Variants in LGALS3 observed in about 807,000 individuals in gnomAD.
The protein encoded by LGALS3 is galectin 3.
Under a neutral mutation model 20.7 loss-of-function variants are expected in LGALS3, and 18 were observed. The ratio of observed to expected loss-of-function variants is 0.87; its 90% CI spans 0.60 to 1.29. LGALS3 has a LOEUF of 1.29. LGALS3 is among the 50% of genes most tolerant of loss of function. LGALS3 has a pLI of 0.00. For synonymous variants in LGALS3, 112 were observed against 119.6 expected (o/e 0.94, Z 0.42); for missense variants, 315 against 314.7 (o/e 1.00, Z -0.01).
Position 55,140,369 on chromosome 14 carries a change from G to GCAAACCTGGT in LGALS3, c.431+6_431+7insCAAACCTGGT, listed in dbSNP as rs772229500. On this transcript the variant is annotated splice_region_variant and intron_variant, in intron 4 of 5. Transcript: ENST00000254301. The stretch of plus-strand genomic sequence containing the variant: ...GTGAAGCCCAATGCAAACAGGTAAG[G>GCAAACCTGGT]AGAGCAAAATTAACAAGTCTACTCT... The GCAAACCTGGT allele has an allele frequency of 6.3e-7, 1 of 1,595,266 alleles. No individual in the cohort carries two copies. The highest frequency in any genetic ancestry group is 1.1e-5 in the South Asian group (1 of 89,774).
intron 2 of LGALS3, 171 bp downstream of exon 2, chr14:55,137,562 A>G (rs536873896): frequency 6.5e-7 from 1 of 1,537,974 alleles, no homozygotes; most frequent in South Asian, 1.3e-5. Context: ...CCAGCAGCAG[A>G]TTTGGGAAGA....
chr14:55,130,678 G>A (rs1316607100), intron 1 of LGALS3, among the ~76,000 whole-genome samples: 1 of 141,220 alleles, frequency 7.1e-6, no homozygotes, highest in Admixed American at 7.2e-5. Context: ...TCCTGCCTCA[G>A]CCTCCCGAGT....
intron 1 of LGALS3, among the ~76,000 whole-genome samples, chr14:55,133,651 G>T (rs893456950): frequency 3.9e-5 from 6 of 152,136 alleles, no homozygotes; most frequent in Non-Finnish European, 7.4e-5. Flanking sequence ...TGTTCTAGTG[G>T]CCTTGTCTAA....
chr14:55,137,779 C>T (rs2140292750), intron 2 of LGALS3: 1 of 1,302,940 alleles, frequency 7.7e-7, no homozygotes. Flanking sequence ...AGCGCTAACT[C>T]CTGACTTGAG....
intron 5 of LGALS3, chr14:55,143,388 G>A (rs144162477): frequency 7.0e-4 from 241 of 346,336 alleles, no homozygotes; most frequent in Middle Eastern, 3.0e-3. Flanking sequence ...ACATTTGGTG[G>A]ATATCTTTTC....
chr14:55,142,708 A>G lies in LGALS3; in HGVS notation c.556A>G (p.Arg186Gly). ...KLDNNWGREE[R>G]QSVFPFESGK... The stretch of plus-strand genomic sequence containing the variant: ...GGATAATAACTGGGGAAGGGAAGAA[A>G]GACAGTCGGTTTTCCCATTTGAAAG... Residue 186 changes from arginine to glycine, a missense_variant, in exon 5 of 6, where the codon AGA becomes GGA. By Grantham distance (125) the Arg-to-Gly change is moderately radical. Transcript: ENST00000254301. 6.2e-7 allele frequency: 1 copy of G among 1,613,934 alleles called. No homozygotes were observed. The highest frequency in any genetic ancestry group is 8.5e-7 in the Non-Finnish European group (1 of 1,179,802).
At chr14:55,143,366 G>A (rs1881697149) in intron 5 of LGALS3, 1 of 316,520 alleles carries the variant, frequency 3.2e-6, no homozygotes, top group South Asian at 2.3e-5. Flanking sequence ...GGACAAATAA[G>A]GACCACAGTC....
At chr14:55,143,961 A>G (rs1290528601) in intron 5 of LGALS3, among the ~76,000 whole-genome samples, 1 of 152,154 alleles carries the variant, frequency 6.6e-6, no homozygotes, top group Non-Finnish European at 1.5e-5. Flanking sequence ...TTAAATATAC[A>G]TGTTTACAAT....
chr14:55,135,967 A>G (rs1225805542), intron 1 of LGALS3, among the ~76,000 whole-genome samples: 1 of 152,208 alleles, frequency 6.6e-6, no homozygotes, highest in Non-Finnish European at 1.5e-5. Context: ...GGCAAATCAA[A>G]GAGAAGGATA....
At chr14:55,141,118 C>G (rs1881607969) in intron 4 of LGALS3, among the ~76,000 whole-genome samples, 1 of 152,162 alleles carries the variant, frequency 6.6e-6, no homozygotes, top group Non-Finnish European at 1.5e-5. Flanking sequence ...TGTCTGTCAC[C>G]TTGCTCCACA....
rs1566779226 is a variant in LGALS3, at chr14:55,129,858, C to T, written c.-5+558C>T. ...TGCATAGGGCGCCTCCCGGGACCCA[C>T]AGCTTGGCTGGCCCGGCCCCTTTTG... On this transcript the variant is annotated intron_variant, in intron 1 of 5. Transcript: ENST00000254301. The surrounding 1 kb of genome is among the most constrained non-coding windows in gnomAD (Gnocchi z 5.3). 6.6e-6 allele frequency among the ~76,000 whole-genome samples: 1 copy of T among 152,228 alleles called. No homozygotes were observed. The highest frequency in any genetic ancestry group is 1.5e-5 in the Non-Finnish European group (1 of 68,044).
chr14:55,138,660 T>C (rs962559035), intron 3 of LGALS3, among the ~76,000 whole-genome samples: 3 of 152,218 alleles, frequency 2.0e-5, no homozygotes, highest in Admixed American at 2.0e-4. Flanking sequence ...GTCAATAGTA[T>C]GCATCTACAT....
At position 55,138,050 on chromosome 14, in the gene LGALS3, T is replaced by C. The variant is rs188973411; in HGVS notation, c.24T>C (p.His8=). 1,949 of 1,499,488 alleles carry C rather than the reference T, an allele frequency of 1.3e-3. 4 individuals are homozygous for C. The highest frequency in any genetic ancestry group is 1.6e-3 in the South Asian group (111 of 69,514). The allele number at this position is 1,499,488 out of a possible 1,614,324, so 92.9% of individuals were successfully genotyped here. ...GTGTATGTCTTTCTTTCCAGCTCCA[T>C]GATGCGTTATCTGGGTCTGGAAACC... MADNFSL[H]DALSGSGNPN... The change falls in exon 3 of 6, where the codon CAT becomes CAC. Residue 8 remains histidine (H), a synonymous_variant. Transcript: ENST00000254301.
chr14:55,131,754 C>A (rs1375512147), intron 1 of LGALS3, among the ~76,000 whole-genome samples: 2 of 152,096 alleles, frequency 1.3e-5, no homozygotes, highest in Non-Finnish European at 2.9e-5. Flanking sequence ...TCAGCTTTTC[C>A]GTAGGGGGGA....
rs1594647398 is a variant in LGALS3 at position 55,129,357 on chromosome 14, C to G, written c.-5+57C>G. The G allele has an allele frequency of 1.3e-5, 2 of 151,968 alleles. No individual in the cohort carries two copies. The highest frequency in any genetic ancestry group is 2.4e-5 in the African/African-American group (1 of 41,480). 9.4% of individuals were successfully genotyped at this position (151,968 alleles called of 1,614,324 possible). On this transcript the variant is annotated intron_variant, in intron 1 of 5. Coordinates refer to ENST00000254301, the MANE Select transcript of LGALS3 (RefSeq NM_002306.4). This position sits in a 1 kb window ranked among gnomAD's most constrained non-coding sequence, Gnocchi z 5.3. Reference sequence around the variant, plus strand: ...CCGGCCGGGCAGGGGAGAGGGCGCCCGGGCGCTGCTTGGGGCGCGGTCCGG... The same window carrying G: ...CCGGCCGGGCAGGGGAGAGGGCGCCGGGGCGCTGCTTGGGGCGCGGTCCGG...
chr14:55,138,424 C>A, intron 3 of LGALS3, 56 bp downstream of exon 3: 9 of 1,584,572 alleles, frequency 5.7e-6, no homozygotes, highest in Non-Finnish European at 7.8e-6. Flanking sequence ...TCAGGGAGAC[C>A]CTGAGCTTTA....
rs373566132 is a variant in LGALS3 at position 55,143,376 on chromosome 14, C to A, written c.597+627C>A. 4.7e-4 allele frequency: 155 copies of A among 332,294 alleles called. 1 individual carries two copies. The highest frequency in any genetic ancestry group is 3.5e-3 in the South Asian group (154 of 44,628). 20.6% of individuals were successfully genotyped at this position (332,294 alleles called of 1,614,324 possible). Reference sequence around the variant, plus strand: ...AACAGGGACAAATAAGGACCACAGTCTACATTTGGTGGATATCTTTTCGTA... The same window carrying A: ...AACAGGGACAAATAAGGACCACAGTATACATTTGGTGGATATCTTTTCGTA... On this transcript the variant is annotated intron_variant, in intron 5 of 5. Coordinates refer to ENST00000254301, the MANE Select transcript of LGALS3 (RefSeq NM_002306.4).
Position 55,138,105 on chromosome 14 carries a change from G to A in LGALS3, c.79G>A (p.Gly27Arg). The A allele has an allele frequency of 6.5e-7, 1 of 1,537,500 alleles. No homozygotes were observed. The highest frequency in any genetic ancestry group is 1.4e-5 in the African/African-American group (1 of 72,082). ...PNPQGWPGAW[G>R]NQPAGAGGYP... is the part of the protein sequence containing the mutation. ...CCCTCAAGGATGGCCTGGCGCATGG[G>A]GGAACCAGCCTGCTGGGGCAGGGGG... The change falls in exon 3 of 6, where the codon GGG becomes AGG. Residue 27 changes from glycine to arginine, a missense_variant. Coordinates refer to ENST00000254301, the MANE Select transcript of LGALS3 (RefSeq NM_002306.4).
Position 55,129,672 on chromosome 14 carries a change from G to A in LGALS3, c.-5+372G>A, listed in dbSNP as rs895384725. The stretch of plus-strand genomic sequence containing the variant: ...AGTAAGCCCCATCCGGTGACGAGCC[G>A]CAGTCTGGTCACCCCAGTCCCACCA... On this transcript the variant is annotated intron_variant, in intron 1 of 5. Transcript: ENST00000254301. The surrounding 1 kb of genome is among the most constrained non-coding windows in gnomAD (Gnocchi z 5.3). Among the ~76,000 whole-genome samples the A allele has an allele frequency of 1.3e-5, 2 of 152,194 alleles. No homozygotes were observed. The highest frequency in any genetic ancestry group is 2.9e-5 in the Non-Finnish European group (2 of 68,032).
Sources: gnomAD v4.1 joint callset for allele counts (sites outside exome capture counted in the v4.1 genomes callset) on GRCh38, gnomAD v4.1.1 for gene constraint, Gnocchi (gnomAD v3.1) non-coding constraint, MANE v1.5 for transcripts, NCBI Gene and HGNC (gene_info 2026-07-23, HGNC 2026-07-21) for gene names.